CAMK2D: variants seen among roughly 807,000 people sequenced by gnomAD.
The protein encoded by CAMK2D is calcium/calmodulin dependent protein kinase II delta.
In CAMK2D, 37 loss-of-function variants were observed where a neutral mutation model predicts 84.0. That is an observed-to-expected ratio of 0.44 (90% confidence interval 0.34 to 0.58). The LOEUF (loss-of-function observed/expected upper bound fraction) is 0.58. Ranked by LOEUF, CAMK2D falls within the 20% of genes least tolerant of loss-of-function variation. The probability of loss-of-function intolerance (pLI) is 0.02; values close to 1 mark genes in which losing one functional copy is unlikely to be tolerated. For missense variants in CAMK2D, 448 were observed against 652.5 expected (o/e 0.69, Z 3.41); for synonymous variants, 202 against 212.5 (o/e 0.95, Z 0.43).
intron 4 of CAMK2D, among the ~76,000 whole-genome samples, chr4:113,608,934 C>T (rs2098988473): frequency 6.6e-6 from 1 of 152,030 alleles, no homozygotes; most frequent in South Asian, 2.1e-4. Context: ...AACTATTTCA[C>T]TTAGGTTAAG....
At chr4:113,715,439 C>A (rs570105304) in intron 2 of CAMK2D, among the ~76,000 whole-genome samples, 1 of 151,988 alleles carries the variant, frequency 6.6e-6, no homozygotes, top group Non-Finnish European at 1.5e-5. Context: ...GAGTTTATAT[C>A]ATAAAAGACC....
At chr4:113,703,219 TGAGTG>T (rs2099428490) in intron 2 of CAMK2D, among the ~76,000 whole-genome samples, 1 of 152,204 alleles carries the variant, frequency 6.6e-6, no homozygotes, top group Non-Finnish European at 1.5e-5. Context: ...GAGGGTTCAG[TGAGTG>T]ATACAGATAG....
At chr4:113,508,572 T>C (rs916081878) in intron 13 of CAMK2D, among the ~76,000 whole-genome samples, 37 of 152,184 alleles carry the variant, frequency 2.4e-4, no homozygotes, top group African/African-American at 8.7e-4. Context: ...TCATCAACTA[T>C]CATTCTTAAA....
At chr4:113,550,162 T>A (rs1008891674) in intron 5 of CAMK2D, among the ~76,000 whole-genome samples, 11 of 152,230 alleles carry the variant, frequency 7.2e-5, no homozygotes, top group Admixed American at 6.5e-5. Flanking sequence ...TAGTAAAAAA[T>A]TTTTACAATT....
At chr4:113,670,328 TATG>T (rs1166136190) in intron 2 of CAMK2D, among the ~76,000 whole-genome samples, 2 of 149,548 alleles carry the variant, frequency 1.3e-5, no homozygotes, top group African/African-American at 5.0e-5. Flanking sequence ...AATAAAAAAC[TATG>T]ATGTTTCAAC....
At chr4:113,601,862 T>C (rs2098954626) in intron 4 of CAMK2D, among the ~76,000 whole-genome samples, 1 of 151,720 alleles carries the variant, frequency 6.6e-6, no homozygotes, top group South Asian at 2.1e-4. Flanking sequence ...CACAGACTGA[T>C]TTTTAAAACT....
chr4:113,742,859 T>C (rs1250493486), intron 2 of CAMK2D, among the ~76,000 whole-genome samples: 1 of 152,204 alleles, frequency 6.6e-6, no homozygotes, highest in African/African-American at 2.4e-5. Context: ...GTACTACCTA[T>C]TTCTGATCTA....
At chr4:113,571,385 G>A (rs2098752832) in intron 4 of CAMK2D, among the ~76,000 whole-genome samples, 1 of 152,128 alleles carries the variant, frequency 6.6e-6, no homozygotes, top group African/African-American at 2.4e-5. Context: ...ATCAACCTAA[G>A]TGTCCATCAA....
chr4:113,699,349 T>C (rs1439521357), intron 2 of CAMK2D, among the ~76,000 whole-genome samples: 1 of 152,152 alleles, frequency 6.6e-6, no homozygotes, highest in Non-Finnish European at 1.5e-5. Flanking sequence ...CCAGACAATG[T>C]ATTCTCAGAA....
chr4:113,680,598 T>A (rs545330858), intron 2 of CAMK2D, among the ~76,000 whole-genome samples: 1 of 152,342 alleles, frequency 6.6e-6, no homozygotes, highest in African/African-American at 2.4e-5. Context: ...AACAAAAAGA[T>A]ATAAATCAGA....
rs564168818 is a variant in CAMK2D, at chr4:113,578,788, G to A, written c.276-26692C>T. On this transcript the variant is annotated intron_variant, in intron 4 of 20. Coordinates refer to ENST00000511664, the MANE Select transcript of CAMK2D (RefSeq NM_001321571.2). ...GTCATCGTAAGATTTTAACAGAGAA[G>A]GTTAAGAGTAAAAAAATCCACATCT... Among the ~76,000 whole-genome samples, 265 of 152,240 alleles carry A rather than the reference G, an allele frequency of 1.7e-3. 3 individuals are homozygous for A. Among genetic ancestry groups the A allele is most frequent in the African/African-American group, 6.0e-3 (251 of 41,538 alleles).
At chr4:113,530,306 T>C (rs576239964) in intron 8 of CAMK2D, among the ~76,000 whole-genome samples, 14 of 152,358 alleles carry the variant, frequency 9.2e-5, no homozygotes, top group African/African-American at 3.1e-4. Flanking sequence ...GGTAATTTTA[T>C]GAAATATTTT....
At chr4:113,756,607 A>G (rs983975010) in intron 2 of CAMK2D, among the ~76,000 whole-genome samples, 1 of 152,042 alleles carries the variant, frequency 6.6e-6, no homozygotes, top group African/African-American at 2.4e-5. Flanking sequence ...AGTGTTATTA[A>G]AAGACTTCAT....
At chr4:113,631,920 G>A (rs1306664261) in intron 3 of CAMK2D, among the ~76,000 whole-genome samples, 1 of 152,116 alleles carries the variant, frequency 6.6e-6, no homozygotes, top group Non-Finnish European at 1.5e-5. Context: ...AGTTTTGAAG[G>A]AAAATGTAAG....
At chr4:113,696,797 C>T (rs2099404210) in intron 2 of CAMK2D, among the ~76,000 whole-genome samples, 1 of 152,060 alleles carries the variant, frequency 6.6e-6, no homozygotes, top group South Asian at 2.1e-4. Context: ...GGGAACTGAA[C>T]TGTAGAAATT....
intron 6 of CAMK2D, among the ~76,000 whole-genome samples, chr4:113,539,937 A>G (rs2098519133): frequency 6.6e-6 from 1 of 152,210 alleles, no homozygotes; most frequent in Non-Finnish European, 1.5e-5. Flanking sequence ...TGATGAGTTT[A>G]AGGGATTATT....
intron 6 of CAMK2D, among the ~76,000 whole-genome samples, chr4:113,538,990 TGG>T: frequency 6.6e-6 from 1 of 152,324 alleles, no homozygotes; most frequent in Admixed American, 6.5e-5. Context: ...ATTTGGAGTA[TGG>T]GATAAAGATA....
At position 113,453,636 on chromosome 4, in the gene CAMK2D, T is replaced by A. The variant is rs1168222713; in HGVS notation, c.*909A>T. ...AAAAGACTTTTATTTCCCTTTTACA[T>A]TCATTATGCAAATTTCACTTCTATT... On this transcript the variant is annotated 3_prime_UTR_variant, in exon 21 of 21. Transcript: ENST00000511664. The A allele has an allele frequency of 6.6e-6, 1 of 152,186 alleles. No individual in the cohort carries two copies. Among genetic ancestry groups the A allele is most frequent in the Non-Finnish European group, 1.5e-5 (1 of 68,024 alleles). The allele number at this position is 152,186 out of a possible 1,614,324, so 9.4% of individuals were successfully genotyped here.
intron 2 of CAMK2D, among the ~76,000 whole-genome samples, chr4:113,718,806 A>G (rs2099521623): frequency 6.6e-6 from 1 of 152,134 alleles, no homozygotes; most frequent in Admixed American, 6.6e-5. Context: ...CACTGTAATA[A>G]TTTTCTCAGC....
Sources: allele counts gnomAD v4.1 joint callset (sites outside exome capture counted in the v4.1 genomes callset), GRCh38; gene constraint gnomAD v4.1.1; transcripts MANE v1.5; gene names NCBI Gene and HGNC (gene_info 2026-07-23, HGNC 2026-07-21).